The following SPTBN5 variants were observed in gnomAD, a reference collection of about 807,000 sequenced individuals.
SPTBN5 encodes spectrin beta, non-erythrocytic 5.
A neutral mutation model predicts 477.6 loss-of-function variants in SPTBN5; 513 were observed. The ratio of observed to expected loss-of-function variants is 1.07; its 90% confidence interval spans 1.00 to 1.16. SPTBN5 has a LOEUF of 1.16. Ranked by LOEUF, SPTBN5 falls within the 50% of genes most tolerant of loss-of-function variation. The pLI is 0.00. For synonymous variants in SPTBN5, 2,169 were observed against 2,011.7 expected (o/e 1.08, Z -2.09); for missense variants, 5,062 against 4,731.8 (o/e 1.07, Z -2.05).
In SPTBN5 at chr15:41,883,496, A is replaced by G. The variant is rs756808095; in HGVS notation, c.1521-10T>C. On this transcript the variant is annotated splice_polypyrimidine_tract_variant and intron_variant, in intron 7 of 67. Transcript: ENST00000320955. Reference sequence around the variant, plus strand: ...GGTAACTTCCTCCTGCCTAGAGGATATGAGAATAAGGGAGATCTCCTCTGG... The same window carrying G: ...GGTAACTTCCTCCTGCCTAGAGGATGTGAGAATAAGGGAGATCTCCTCTGG... The G allele has an allele frequency of 4.3e-6, 7 of 1,613,224 alleles. No homozygotes were observed. Among genetic ancestry groups the G allele is most frequent in the Non-Finnish European group, 5.9e-6 (7 of 1,179,498 alleles).
rs1025621694 is a variant in SPTBN5, at chr15:41,868,712, G to A, written c.5854-111C>T. 17 of 1,105,798 alleles carry A rather than the reference G, an allele frequency of 1.5e-5. No homozygotes were observed. In the East Asian group the frequency reaches 1.7e-4, roughly 11 times the overall value. 68.5% of individuals were successfully genotyped at this position (1,105,798 alleles called of 1,614,324 possible). A position where few individuals can be genotyped will look rare whatever the true frequency, so the allele number is the denominator to read the frequency against. On this transcript the variant is annotated intron_variant, in intron 32 of 67. Coordinates refer to ENST00000320955, the MANE Select transcript of SPTBN5 (RefSeq NM_016642.4). ...TGAGTCCACTCACACAGCCCGAGCCGACCTGGGTCAGGGCCTCGGGTGAGG... is the reference window on the plus strand; with the variant it reads ...TGAGTCCACTCACACAGCCCGAGCCAACCTGGGTCAGGGCCTCGGGTGAGG...
Position 41,857,555 on chromosome 15 carries a change from C to T in SPTBN5, c.8364+18G>A, listed in dbSNP as rs1000538026. ...TCCTGGAGCCCGGCCAGCCACCCCT[C>T]GGCCTGCACAACCTCACCTCACAGG... On this transcript the variant is annotated intron_variant, in intron 50 of 67. Transcript: ENST00000320955. The T allele has an allele frequency of 2.8e-5, 45 of 1,606,070 alleles. No individual in the cohort carries two copies. Among genetic ancestry groups the T allele is most frequent in the Admixed American group, 1.2e-4 (7 of 59,560 alleles).
chr15:41,856,954 C>T lies in SPTBN5; in HGVS notation c.8707G>A (p.Asp2903Asn), dbSNP rs1030220722. The change falls in exon 52 of 68, where the codon GAC becomes AAC. Residue 2903 changes from aspartate (D) to asparagine (N), a missense_variant. Transcript: ENST00000320955. The stretch of plus-strand genomic sequence containing the variant: ...TCCTGCACCCAGGCCATTTCCTCGT[C>T]GGCGTCCCTGAAGAACTTCAAGAGG... ...SLLLKFFRDADEEMAWVQEKL... is the reference protein window; with the variant it reads ...SLLLKFFRDANEEMAWVQEKL... The T allele has an allele frequency of 1.4e-5, 23 of 1,590,450 alleles. No homozygotes were observed. In the Admixed American group the frequency reaches 1.8e-4, roughly 12 times the overall value.
Position 41,878,429 on chromosome 15 carries a change from T to C in SPTBN5, c.3383A>G (p.Lys1128Arg). The C allele has an allele frequency of 1.2e-6, 2 of 1,613,756 alleles. No homozygotes were observed. Among genetic ancestry groups the C allele is most frequent in the Non-Finnish European group, 1.7e-6 (2 of 1,179,886 alleles). Residue 1128 changes from lysine (K) to arginine (R), a missense_variant, in exon 17 of 68, where the codon AAG becomes AGG. Transcript: ENST00000320955. Reference protein sequence around the residue: ...AESVQAQLRSKEVSVDVASAQ... With the variant: ...AESVQAQLRSREVSVDVASAQ... ...CGAGGCCACATCCACTGACACCTCC[T>C]TGCTGCGCAGCTGAGCCTGGACACT...
intron 22 of SPTBN5, 97 bp downstream of exon 22, chr15:41,875,361 A>T: frequency 1.4e-6 from 2 of 1,394,788 alleles, no homozygotes; most frequent in Admixed American, 4.6e-5. Flanking sequence ...CTGCAGAGCC[A>T]GGGTCAGCAG....
At chr15:41,860,536 T>G (rs1172831271) in intron 47 of SPTBN5, 50 bp downstream of exon 47, 1 of 1,337,060 alleles carries the variant, frequency 7.5e-7, no homozygotes, top group Non-Finnish European at 9.6e-7. Flanking sequence ...GGATGCCAGA[T>G]GCCTGTGCCA....
chr15:41,869,861 G>A lies in SPTBN5; in HGVS notation c.5833C>T (p.Leu1945=). ...RRAQLERARL[L]ARFRTAVRDY... ...CTCACCGCCGTGCGGAAGCGGGCCA[G>A]GAGGCGTGCCCGCTCCAGCTGGGCC... Residue 1945 remains leucine (L), a synonymous_variant, in exon 32 of 68, where the codon CTG becomes TTG. Transcript: ENST00000320955. 2 of 1,561,556 alleles carry A rather than the reference G, an allele frequency of 1.3e-6. No individual in the cohort carries two copies. Among genetic ancestry groups the A allele is most frequent in the East Asian group, 2.3e-5 (1 of 43,310 alleles).
chr15:41,888,097 G>A lies in SPTBN5; in HGVS notation c.502-12C>T. On this transcript the variant is annotated splice_polypyrimidine_tract_variant and intron_variant, in intron 4 of 67. Coordinates refer to ENST00000320955, the MANE Select transcript of SPTBN5 (RefSeq NM_016642.4). ...GCCCCAAACTCCTCCTGGCGGGACA[G>A]GGCAGCAGGGTCACCATGCGGGGAT... 3.2e-6 allele frequency: 5 copies of A among 1,559,350 alleles called. No individual in the cohort carries two copies. Among genetic ancestry groups the A allele is most frequent in the Non-Finnish European group, 4.3e-6 (5 of 1,153,420 alleles).
intron 3 of SPTBN5, among the ~76,000 whole-genome samples, chr15:41,891,358 A>G (rs1183861304): frequency 6.6e-6 from 1 of 152,150 alleles, no homozygotes; most frequent in African/African-American, 2.4e-5. Context: ...AAACTTTGGT[A>G]TATCTGGCTG....
chr15:41,853,252 T>C lies in SPTBN5; in HGVS notation c.10170+6A>G. 6.3e-7 allele frequency: 1 copy of C among 1,584,224 alleles called. No homozygotes were observed. The highest frequency in any genetic ancestry group is 1.1e-5 in the South Asian group (1 of 88,044). Reference sequence around the variant, plus strand: ...CCAACCCCAGGCCCACCCTCTGAGTTCACACCTCCGCAGACATGAAGTGGC... The same window carrying C: ...CCAACCCCAGGCCCACCCTCTGAGTCCACACCTCCGCAGACATGAAGTGGC... On this transcript the variant is annotated splice_donor_region_variant and intron_variant, in intron 59 of 67. Coordinates refer to ENST00000320955, the MANE Select transcript of SPTBN5 (RefSeq NM_016642.4).
rs1336668556 is a variant in SPTBN5, at chr15:41,855,658, G to A, written c.9109C>T (p.Leu3037Phe). 1 of 1,607,442 alleles carries A rather than the reference G, an allele frequency of 6.2e-7. No individual in the cohort carries two copies. The highest frequency in any genetic ancestry group is 8.5e-7 in the Non-Finnish European group (1 of 1,178,542). The change falls in exon 54 of 68, where the codon CTT becomes TTT. Residue 3037 changes from leucine to phenylalanine, a missense_variant. Physicochemically the swap from Leu to Phe is conservative, Grantham distance 22 (BLOSUM62 0). Transcript: ENST00000320955. ...TTGGTGGCCTCCAGCCGCCGCAGAA[G>A]GGCCTGTGTGGCTTCAGCACTGTGG... ...MGHSAEATQA[L>F]LRRLEATKRD...
At chr15:41,852,103 C>T (rs2065782528) in intron 62 of SPTBN5, 79 bp downstream of exon 62, 18 of 1,486,326 alleles carry the variant, frequency 1.2e-5, no homozygotes, top group Non-Finnish European at 1.6e-5. Context: ...TGTGGGCCCT[C>T]ACCCCCACAG....
intron 31 of SPTBN5, 35 bp downstream of exon 31, chr15:41,870,208 G>A (rs1228479355): frequency 2.0e-6 from 3 of 1,534,664 alleles, no homozygotes. Context: ...GGGGCTGCAG[G>A]GGCCTGGGTC....
intron 59 of SPTBN5, 125 bp downstream of exon 59, chr15:41,853,133 C>A: frequency 6.9e-7 from 1 of 1,457,994 alleles, no homozygotes; most frequent in Non-Finnish European, 9.2e-7. Context: ...CCTTCCCAGC[C>A]TCTCTCCCTG....
Position 41,889,831 on chromosome 15 carries a change from C to T in SPTBN5, c.501+258G>A, listed in dbSNP as rs1042176635. ...TGCTGGGCAGTGACCCTGAACCCCC[C>T]ACTAGTGAATGACTTGCCCAGACCT... On this transcript the variant is annotated intron_variant, in intron 4 of 67. Coordinates refer to ENST00000320955, the MANE Select transcript of SPTBN5 (RefSeq NM_016642.4). Among the ~76,000 whole-genome samples the T allele has an allele frequency of 2.0e-5, 3 of 152,218 alleles. No homozygotes were observed. In the East Asian group the frequency reaches 5.8e-4, roughly 29 times the overall value.
At chr15:41,888,331 G>A (rs1196955738) in intron 4 of SPTBN5, among the ~76,000 whole-genome samples, 2 of 152,262 alleles carry the variant, frequency 1.3e-5, no homozygotes, top group Non-Finnish European at 2.9e-5. Flanking sequence ...TCACTGCAGA[G>A]GCGCTGGCTT....
intron 66 of SPTBN5, chr15:41,850,517 C>T: frequency 6.2e-6 from 2 of 322,096 alleles, no homozygotes; most frequent in South Asian, 6.1e-5. Context: ...CAGAACAGAG[C>T]CTGGAAAGCC....
At position 41,879,365 on chromosome 15, in the gene SPTBN5, A is replaced by G. The variant is rs2066866667; in HGVS notation, c.3077T>C (p.Leu1026Pro). Residue 1026 changes from leucine (L) to proline (P), a missense_variant, in exon 16 of 68, where the codon CTG becomes CCG. By Grantham distance (98) the Leu-to-Pro change is moderately conservative. Transcript: ENST00000320955. ...GGTGTCCTCTGAGCTCCCTGGCTGC[A>G]GGGCCTCCAGCTGGAGGAGCACGTC... The part of the protein sequence containing the change: ...LRDVLLQLEA[L>P]QPGSSEDTCH... The G allele has an allele frequency of 6.2e-7, 1 of 1,610,230 alleles. No individual in the cohort carries two copies. Among genetic ancestry groups the G allele is most frequent in the Non-Finnish European group, 8.5e-7 (1 of 1,179,814 alleles).
chr15:41,877,559 C>T (rs576619431), intron 17 of SPTBN5, among the ~76,000 whole-genome samples: 249 of 152,362 alleles, frequency 1.6e-3, no homozygotes, highest in South Asian at 3.1e-3. Context: ...TGCCAACAGC[C>T]GATGCCCGGC....
Sources: allele counts gnomAD v4.1 joint callset (sites outside exome capture counted in the v4.1 genomes callset), GRCh38; gene constraint gnomAD v4.1.1; transcripts MANE v1.5; gene names NCBI Gene and HGNC (gene_info 2026-07-23, HGNC 2026-07-21).